CDYL2: variants seen among roughly 807,000 people sequenced by gnomAD.
CDYL2 encodes the protein chromodomain Y-like protein 2.
CDYL2 carries 23 observed loss-of-function variants against 49.4 expected under a neutral mutation model. That is an observed-to-expected ratio of 0.47 (90% CI 0.34 to 0.66). CDYL2 has a LOEUF of 0.66. Among genes scored for constraint, CDYL2 ranks in the 30% least tolerant of loss-of-function variants. CDYL2 has a pLI of 0.01. For synonymous variants in CDYL2, 360 were observed against 268.8 expected (o/e 1.34, Z -3.32); for missense variants, 678 against 656.4 (o/e 1.03, Z -0.36).
At chr16:80,780,397 CTTTTTTT>C (rs1022730941) in intron 1 of CDYL2, among the ~76,000 whole-genome samples, 3 of 105,358 alleles carry the variant, frequency 2.8e-5, no homozygotes, top group Non-Finnish European at 5.6e-5. Flanking sequence ...TGCACAATAT[CTTTTTTT>C]TTTTTTTTTT....
At position 80,603,054 on chromosome 16, in the gene CDYL2, C is replaced by G. The variant is rs1597116253; in HGVS notation, c.*1334G>C. On this transcript the variant is annotated 3_prime_UTR_variant, in exon 7 of 7. Coordinates refer to ENST00000570137, the MANE Select transcript of CDYL2 (RefSeq NM_152342.4). ...GGCACAGGGGCAAGGAGATCTCATT[C>G]CTGGTCATTGCTCCCTATGTACATA... 1 of 152,264 alleles carries G rather than the reference C, an allele frequency of 6.6e-6. No individual in the cohort carries two copies. Among genetic ancestry groups the G allele is most frequent in the African/African-American group, 2.4e-5 (1 of 41,536 alleles). The allele number at this position is 152,264 out of a possible 1,614,324, so 9.4% of individuals were successfully genotyped here.
chr16:80,754,651 T>G (rs1033304987), intron 1 of CDYL2, among the ~76,000 whole-genome samples: 2 of 152,110 alleles, frequency 1.3e-5, no homozygotes, highest in African/African-American at 4.8e-5. Context: ...CTTACTTCCC[T>G]TATCAGTAAA....
intron 2 of CDYL2, 127 bp downstream of exon 2, chr16:80,684,411 G>A (rs1038521227): frequency 2.4e-6 from 2 of 849,098 alleles, no homozygotes; most frequent in Non-Finnish European, 3.7e-6. Flanking sequence ...AGAGATGAAG[G>A]GGGAATTGCT....
At chr16:80,752,729 G>C (rs887596761) in intron 1 of CDYL2, among the ~76,000 whole-genome samples, 9 of 152,230 alleles carry the variant, frequency 5.9e-5, no homozygotes, top group Admixed American at 3.3e-4. Flanking sequence ...AACAAAGCGG[G>C]AAAGCTCTGT....
intron 2 of CDYL2, among the ~76,000 whole-genome samples, chr16:80,678,644 ACAC>A (rs2142464679): frequency 6.7e-6 from 1 of 149,152 alleles, no homozygotes; most frequent in South Asian, 2.2e-4. Context: ...AGAAATAGGA[ACAC>A]TTTTACACTG....
intron 1 of CDYL2, among the ~76,000 whole-genome samples, chr16:80,743,081 C>T (rs1162805391): frequency 6.6e-6 from 1 of 152,056 alleles, no homozygotes; most frequent in Admixed American, 6.6e-5. Context: ...CGGACGGACT[C>T]ATTGATGGTC....
At chr16:80,651,865 G>A (rs1461820159) in intron 2 of CDYL2, among the ~76,000 whole-genome samples, 1 of 152,198 alleles carries the variant, frequency 6.6e-6, no homozygotes, top group Non-Finnish European at 1.5e-5. Flanking sequence ...TACTGGAATT[G>A]AATGATTAAG....
At chr16:80,637,501 G>A (rs1211707342) in intron 2 of CDYL2, among the ~76,000 whole-genome samples, 1 of 152,022 alleles carries the variant, frequency 6.6e-6, no homozygotes, top group Non-Finnish European at 1.5e-5. Flanking sequence ...TACATAGAAA[G>A]TACGAAAGAA....
chr16:80,804,121 G>A (rs759332777), intron 1 of CDYL2, 29 bp downstream of exon 1: 2 of 1,141,542 alleles, frequency 1.8e-6, no homozygotes, highest in Non-Finnish European at 2.2e-6. Flanking sequence ...CGCTGACTGG[G>A]GCCGGCCCGC....
intron 1 of CDYL2, among the ~76,000 whole-genome samples, chr16:80,786,748 G>T (rs959133194): frequency 1.3e-5 from 2 of 152,100 alleles, no homozygotes; most frequent in African/African-American, 4.8e-5. Flanking sequence ...CCATAAAAAA[G>T]GATGAGTTCA....
At position 80,684,624 on chromosome 16, in the gene CDYL2, G is replaced by A. The variant is rs1300878679; in HGVS notation, c.530C>T (p.Pro177Leu). 1 of 1,614,184 alleles carries A rather than the reference G, an allele frequency of 6.2e-7. No homozygotes were observed. Among genetic ancestry groups the A allele is most frequent in the Admixed American group, 1.7e-5 (1 of 60,028 alleles). Residue 177 changes from proline (P) to leucine (L), a missense_variant, in exon 2 of 7, where the codon CCT (proline) becomes CTT (leucine). By Grantham distance (98) the Pro-to-Leu change is moderately conservative (BLOSUM62 -3). Coordinates refer to ENST00000570137, the MANE Select transcript of CDYL2 (RefSeq NM_152342.4). Reference protein sequence around the residue: ...ERHFGNGSHQPGLDLNDHVGE... With the variant: ...ERHFGNGSHQLGLDLNDHVGE... ...AACATGATCATTCAAATCCAAGCCA[G>A]GCTGATGGGACCCATTTCCAAAGTG...
Position 80,608,079 on chromosome 16 carries a change from C to A in CDYL2, c.1362+13G>T. On this transcript the variant is annotated intron_variant, in intron 6 of 6. Coordinates refer to ENST00000570137, the MANE Select transcript of CDYL2 (RefSeq NM_152342.4). ...ATCAAAAGGACAAGCACGCAGGAGG[C>A]GCAGGAACTCACCACGGCACTGCAG... is the stretch of plus-strand genomic sequence containing the variant. The A allele has an allele frequency of 1.3e-6, 2 of 1,560,550 alleles. No individual in the cohort carries two copies. The highest frequency in any genetic ancestry group is 1.7e-4 in the Middle Eastern group (1 of 5,928).
intron 5 of CDYL2, among the ~76,000 whole-genome samples, chr16:80,608,983 C>G (rs966392859): frequency 6.6e-6 from 1 of 152,128 alleles, no homozygotes; most frequent in African/African-American, 2.4e-5. Context: ...GTGAATAACA[C>G]CACAATACCA....
At chr16:80,790,951 A>C (rs1907590525) in intron 1 of CDYL2, among the ~76,000 whole-genome samples, 1 of 152,236 alleles carries the variant, frequency 6.6e-6, no homozygotes. Flanking sequence ...GATTTCAGTG[A>C]AGGCAAATCA....
At chr16:80,657,105 A>G (rs983942908) in intron 2 of CDYL2, among the ~76,000 whole-genome samples, 1 of 152,230 alleles carries the variant, frequency 6.6e-6, no homozygotes, top group Non-Finnish European at 1.5e-5. Context: ...CAAAATACCA[A>G]AACTTGTAGA....
chr16:80,728,580 T>A (rs990463789), intron 1 of CDYL2, among the ~76,000 whole-genome samples: 5 of 151,962 alleles, frequency 3.3e-5, no homozygotes, highest in Non-Finnish European at 5.9e-5. Flanking sequence ...ACATTCAGAT[T>A]CAGGAAATAC....
chr16:80,632,947 A>C, intron 3 of CDYL2, 72 bp downstream of exon 3: 1 of 1,440,472 alleles, frequency 6.9e-7, no homozygotes, highest in African/African-American at 1.4e-5. Context: ...GGAAGGAGAA[A>C]GCCAATATTC....
chr16:80,692,636 C>A (rs987206693), intron 1 of CDYL2, among the ~76,000 whole-genome samples: 7 of 152,058 alleles, frequency 4.6e-5, no homozygotes, highest in Admixed American at 4.6e-4. Context: ...AAATTGAAAG[C>A]AAATATTAAA....
At chr16:80,659,677 AC>A (rs1908963489) in intron 2 of CDYL2, among the ~76,000 whole-genome samples, 1 of 149,718 alleles carries the variant, frequency 6.7e-6, no homozygotes, top group South Asian at 2.1e-4. Flanking sequence ...AGTTAAAAAA[AC>A]TGGTTAATCA....
Sources: gnomAD v4.1 joint callset for allele counts (sites outside exome capture counted in the v4.1 genomes callset) on GRCh38, gnomAD v4.1.1 for gene constraint, MANE v1.5 for transcripts, NCBI Gene and HGNC (gene_info 2026-07-23, HGNC 2026-07-21) for gene names.